The following FLII variants were observed in gnomAD, a reference collection of about 807,000 sequenced individuals.
The protein encoded by FLII is FLII actin remodeling protein.
A neutral mutation model predicts 156.2 loss-of-function variants in FLII; 101 were observed. The observed-to-expected ratio is 0.65, with a 90% confidence interval of 0.55 to 0.76. The LOEUF (loss-of-function observed/expected upper bound fraction) is 0.76, where lower values mean the gene tolerates loss of function less well. Among genes scored for constraint, FLII ranks in the 30% least tolerant of loss-of-function variants. The probability of loss-of-function intolerance (pLI) is 0.00; values close to 1 mark genes in which losing one functional copy is unlikely to be tolerated. For synonymous variants in FLII, 767 were observed against 685.8 expected (o/e 1.12, Z -1.85); for missense variants, 1,675 against 1,682.8 (o/e 1.00, Z 0.08).
At position 18,254,082 on chromosome 17, in the gene FLII, C is replaced by G; in HGVS notation, c.676G>C (p.Ala226Pro). The G allele has an allele frequency of 3.7e-6, 6 of 1,605,768 alleles. No homozygotes were observed. The highest frequency in any genetic ancestry group is 4.3e-6 in the Non-Finnish European group (5 of 1,175,110). ...GGGGCTCCTGGGGCTGCCTGACCTGCGAGGTTGCTCAGACCCTCCAGGCTG... is the reference window on the plus strand; with the variant it reads ...GGGGCTCCTGGGGCTGCCTGACCTGGGAGGTTGCTCAGACCCTCCAGGCTG... Reference protein sequence around the residue: ...PTSLEGLSNLADVDLSCNDLT... With the variant: ...PTSLEGLSNLPDVDLSCNDLT... Residue 226 changes from alanine (A) to proline (P), a missense_variant, in exon 7 of 30, where the codon GCA becomes CCA. Coordinates refer to ENST00000327031, the MANE Select transcript of FLII (RefSeq NM_002018.4).
In FLII at chr17:18,254,634, T is replaced by C. The variant is rs1597920782; in HGVS notation, c.462A>G (p.Leu154=). Residue 154 remains leucine (L), a synonymous_variant, in exon 6 of 30, where the codon CTA becomes CTG. Transcript: ENST00000327031. ...NQLFINLTDL[L]YLDLSENRLE... is the part of the protein sequence containing the mutation. ...GGCGGTTCTCGCTGAGGTCCAGGTA[T>C]AGTAGGTCAGTGAGGTTGATGAAGA... The C allele has an allele frequency of 1.2e-6, 2 of 1,613,710 alleles. No individual in the cohort carries two copies. Among genetic ancestry groups the C allele is most frequent in the African/African-American group, 1.3e-5 (1 of 74,820 alleles).
intron 7 of FLII, 173 bp from the exon 8 acceptor site, chr17:18,253,892 G>A (rs188787222): frequency 2.4e-5 from 19 of 801,360 alleles, no homozygotes; most frequent in Middle Eastern, 2.6e-4. Flanking sequence ...TGGGGGTTGC[G>A]GGGGAGTTTT....
chr17:18,252,574 G>T lies in FLII; in HGVS notation c.1014-18C>A, dbSNP rs190033528. The T allele has an allele frequency of 1.1e-4, 184 of 1,606,582 alleles. 1 individual carries two copies. The African/African-American group carries it at 2.0e-3, about 18-fold the overall frequency. ...TTGGGCACCTGTGAAGACAGGGCCA[G>T]CCAGGGCCTCAGGCAGGTGACAGAC... On this transcript the variant is annotated intron_variant, in intron 9 of 29. Coordinates refer to ENST00000327031, the MANE Select transcript of FLII (RefSeq NM_002018.4).
chr17:18,251,850 G>A (rs768564082), intron 11 of FLII, 34 bp from the exon 12 acceptor site: 7 of 1,612,460 alleles, frequency 4.3e-6, no homozygotes, highest in Non-Finnish European at 5.9e-6. Flanking sequence ...AGCCCTCACT[G>A]GGCCTGCTGC....
At chr17:18,250,280 G>A (rs974320720) in intron 14 of FLII, among the ~76,000 whole-genome samples, 1 of 152,204 alleles carries the variant, frequency 6.6e-6, no homozygotes, top group Non-Finnish European at 1.5e-5. Context: ...ATGGAAGAGT[G>A]GAAACCTGGG....
chr17:18,253,051 G>A (rs1328095408), intron 9 of FLII, among the ~76,000 whole-genome samples: 1 of 152,244 alleles, frequency 6.6e-6, no homozygotes, highest in Non-Finnish European at 1.5e-5. Flanking sequence ...TCAGGAGGCT[G>A]AGGCAGGAGA....
rs1227098062 is a variant in FLII at position 18,254,597 on chromosome 17, G to A, written c.499C>T (p.Pro167Ser). The A allele has an allele frequency of 2.5e-6, 4 of 1,613,934 alleles. No homozygotes were observed. The highest frequency in any genetic ancestry group is 3.4e-6 in the Non-Finnish European group (4 of 1,179,956). The stretch of plus-strand genomic sequence containing the variant: ...TGCACCAGGCGGCGCATCTGCGGGG[G>A]CAGGCTCTCCAGGCGGTTCTCGCTG... ...DLSENRLESL[P>S]PQMRRLVHLQ... The change falls in exon 6 of 30, where the codon CCC becomes TCC. Residue 167 changes from proline to serine, a missense_variant. Coordinates refer to ENST00000327031, the MANE Select transcript of FLII (RefSeq NM_002018.4).
Position 18,246,846 on chromosome 17 carries a change from T to C in FLII, c.2817-18A>G. On this transcript the variant is annotated intron_variant, in intron 22 of 29. Transcript: ENST00000327031. ...CCCAGTACCTGCCGGGTTGGAAGGT[T>C]GTGAGCAGGGGCTCGAGCCCCCAGC... The C allele has an allele frequency of 6.2e-7, 1 of 1,613,996 alleles. No homozygotes were observed.
At chr17:18,253,818 G>T in intron 7 of FLII, 99 bp from the exon 8 acceptor site, 1 of 1,250,108 alleles carries the variant, frequency 8.0e-7, no homozygotes, top group South Asian at 1.5e-5. Context: ...TCTGAGCTGT[G>T]TGGCTTAGGC....
At chr17:18,256,407 A>G in intron 3 of FLII, 119 bp downstream of exon 3, 1 of 766,974 alleles carries the variant, frequency 1.3e-6, no homozygotes. Context: ...TGAGCCTCTG[A>G]GCCTGACACG....
At position 18,256,968 on chromosome 17, in the gene FLII, T is replaced by C. The variant is rs2048438043; in HGVS notation, c.115A>G (p.Lys39Glu). ...TAGCAGAGGCCAGTGCGGTTCAGCTTCAGCCACCGCAGGCTGGTCATGGCC... is the reference window on the plus strand; with the variant it reads ...TAGCAGAGGCCAGTGCGGTTCAGCTCCAGCCACCGCAGGCTGGTCATGGCC... ...VKAMTSLRWL[K>E]LNRTGLCYLP... Residue 39 changes from lysine to glutamate, a missense_variant, in exon 2 of 30, where the codon AAG (lysine) becomes GAG (glutamate). Lys to Glu is a moderately conservative substitution (Grantham distance 56, BLOSUM62 1). Coordinates refer to ENST00000327031, the MANE Select transcript of FLII (RefSeq NM_002018.4). 1.2e-6 allele frequency: 2 copies of C among 1,611,946 alleles called. No homozygotes were observed. The highest frequency in any genetic ancestry group is 2.7e-5 in the African/African-American group (2 of 74,890).
rs1555561457 is a variant in FLII at position 18,249,158 on chromosome 17, C to T, written c.1903G>A (p.Val635Met). 4 of 1,614,164 alleles carry T rather than the reference C, an allele frequency of 2.5e-6. No homozygotes were observed. The highest frequency in any genetic ancestry group is 2.5e-6 in the Non-Finnish European group (3 of 1,180,034). ...TCCAGAGAGGTCCCCTTGAGGGGCA[C>T]AGGCTCCAACTTGATGTTCTTTTTC... ...YGKKNIKLEP[V>M]PLKGTSLDPR... Residue 635 changes from valine (V) to methionine (M), a missense_variant, in exon 16 of 30, where the codon GTG becomes ATG. This residue lies in a region of FLII where 1,332 missense variants were observed against 1,269.3 expected (regional missense o/e 1.05). Coordinates refer to ENST00000327031, the MANE Select transcript of FLII (RefSeq NM_002018.4).
intron 9 of FLII, 59 bp from the exon 10 acceptor site, chr17:18,252,615 A>G (rs2048304755): frequency 1.0e-5 from 14 of 1,385,300 alleles, no homozygotes; most frequent in Admixed American, 1.7e-5. Flanking sequence ...GAAGTGGGCA[A>G]GAAAACCCCT....
chr17:18,255,710 C>T (rs768525595), intron 3 of FLII, among the ~76,000 whole-genome samples: 1 of 152,098 alleles, frequency 6.6e-6, no homozygotes, highest in Non-Finnish European at 1.5e-5. Flanking sequence ...AAAGCTTGAG[C>T]ATGAGGGAAC....
Position 18,246,837 on chromosome 17 carries a change from T to C in FLII, c.2817-9A>G, listed in dbSNP as rs1239799820. ...CCACAGGCACCCAGTACCTGCCGGG[T>C]TGGAAGGTTGTGAGCAGGGGCTCGA... On this transcript the variant is annotated splice_polypyrimidine_tract_variant and intron_variant, in intron 22 of 29. Transcript: ENST00000327031. The C allele has an allele frequency of 3.1e-6, 5 of 1,613,686 alleles. No homozygotes were observed. In the East Asian group the frequency reaches 6.7e-5, roughly 22 times the overall value.
chr17:18,257,203 C>T (rs1387676306), intron 1 of FLII, 184 bp from the exon 2 acceptor site: 1 of 554,176 alleles, frequency 1.8e-6, no homozygotes, highest in Non-Finnish European at 3.2e-6. Flanking sequence ...TTAAGCCCCC[C>T]CGTGACAAAA....
rs1238359190 is a variant in FLII, at chr17:18,251,665, C to T, written c.1383+15G>A. 4 of 1,613,888 alleles carry T rather than the reference C, an allele frequency of 2.5e-6. No individual in the cohort carries two copies. The highest frequency in any genetic ancestry group is 8.5e-7 in the Non-Finnish European group (1 of 1,179,998). On this transcript the variant is annotated intron_variant, in intron 12 of 29. Coordinates refer to ENST00000327031, the MANE Select transcript of FLII (RefSeq NM_002018.4). ...CTAAGGCTCCCTGCCTTGTCCCAAC[C>T]CTGGCCTGGCTCACCTCCTGCTTTT...
rs763809804 is a variant in FLII at position 18,248,833 on chromosome 17, G to GC, written c.1984dup (p.Ala662GlyfsTer19). 4.3e-6 allele frequency: 7 copies of GC among 1,612,150 alleles called. No individual in the cohort carries two copies. Among genetic ancestry groups the GC allele is most frequent in the Non-Finnish European group, 1.7e-6 (2 of 1,179,690 alleles). ...GGTGGTGCTGCTCAGTGTGGCCTGG[G>GC]CCCCCCGCCATACGTAGATGTCTAG... On this transcript the variant is annotated frameshift_variant, in exon 17 of 30. Coordinates refer to ENST00000327031, the MANE Select transcript of FLII (RefSeq NM_002018.4). LOFTEE classifies it high-confidence loss of function.
In FLII at chr17:18,246,036, C is replaced by G; in HGVS notation, c.3294G>C (p.Gln1098His). ...LKVPFESEDN[Q>H]GIVYAWVGRA... ...GGCCCACCCAGGCATACACGATGCC[C>G]TGGTTGTCCTCACTCTCAAAGGGAA... Residue 1098 changes from glutamine to histidine, a missense_variant, in exon 26 of 30, where the codon CAG (glutamine) becomes CAC (histidine). Around this residue, in one of 2 missense-constraint regions of FLII, gnomAD observed 1,332 missense variants for 1,269.3 expected, o/e 1.05. Transcript: ENST00000327031. 1 of 1,614,150 alleles carries G rather than the reference C, an allele frequency of 6.2e-7. No individual in the cohort carries two copies.
Sources: gnomAD v4.1 joint callset for allele counts (sites outside exome capture counted in the v4.1 genomes callset) on GRCh38, gnomAD v4.1.1 for gene constraint, gnomAD v4.1.1 regional missense constraint, MANE v1.5 for transcripts, NCBI Gene and HGNC (gene_info 2026-07-23, HGNC 2026-07-21) for gene names.